The following STIM1 variants were observed in gnomAD, a reference collection of about 807,000 sequenced individuals.
STIM1 encodes the protein stromal interaction molecule 1.
Under a neutral mutation model 74.7 loss-of-function variants are expected in STIM1, and 25 were observed. That is an observed-to-expected ratio of 0.33 (90% confidence interval 0.24 to 0.47). STIM1 has a LOEUF of 0.47. Ranked by LOEUF, STIM1 falls within the 20% of genes least tolerant of loss-of-function variation. The probability of loss-of-function intolerance (pLI) is 1.00; values close to 1 mark genes in which losing one functional copy is unlikely to be tolerated. For synonymous variants in STIM1, 328 were observed against 348.8 expected (o/e 0.94, Z 0.66); for missense variants, 728 against 920.8 (o/e 0.79, Z 2.71).
At chr11:4,068,030 C>G (rs903890877) in intron 5 of STIM1, among the ~76,000 whole-genome samples, 1 of 152,150 alleles carries the variant, frequency 6.6e-6, no homozygotes, top group African/African-American at 2.4e-5. Context: ...ATACATTTGA[C>G]AAGGCAGAGG....
At chr11:4,028,086 T>C (rs2136037004) in intron 3 of STIM1, among the ~76,000 whole-genome samples, 1 of 152,276 alleles carries the variant, frequency 6.6e-6, no homozygotes, top group African/African-American at 2.4e-5. Context: ...CCAAACAAAG[T>C]ATATTTCTTC....
intron 1 of STIM1, among the ~76,000 whole-genome samples, chr11:3,939,906 G>A (rs2092983934): frequency 6.6e-6 from 1 of 152,150 alleles, no homozygotes. Context: ...CTGAAGCTGT[G>A]TGCACTCGTT....
intron 7 of STIM1, among the ~76,000 whole-genome samples, chr11:4,078,342 C>G (rs770263097): frequency 6.6e-6 from 1 of 152,190 alleles, no homozygotes; most frequent in Non-Finnish European, 1.5e-5. Context: ...CCCTGAAAGA[C>G]TGTGAGAGAT....
At chr11:4,062,749 C>G (rs2094339775) in intron 5 of STIM1, among the ~76,000 whole-genome samples, 1 of 152,098 alleles carries the variant, frequency 6.6e-6, no homozygotes, top group African/African-American at 2.4e-5. Flanking sequence ...CAAATCAAAA[C>G]TACAATGAGG....
chr11:4,090,053 T>A (rs1357664429), intron 12 of STIM1, among the ~76,000 whole-genome samples: 1 of 152,160 alleles, frequency 6.6e-6, no homozygotes, highest in East Asian at 1.9e-4. Context: ...GACTAGCCTG[T>A]GTGTGTGCAT....
chr11:3,915,014 A>C (rs2092622443), intron 1 of STIM1, among the ~76,000 whole-genome samples: 1 of 151,966 alleles, frequency 6.6e-6, no homozygotes, highest in African/African-American at 2.4e-5. Context: ...CTAGTGACTA[A>C]TGATGTTGAT....
chr11:3,873,698 A>C (rs543914116), intron 1 of STIM1, among the ~76,000 whole-genome samples: 1 of 152,256 alleles, frequency 6.6e-6, no homozygotes, highest in African/African-American at 2.4e-5. Context: ...CTGTTAGCTC[A>C]GTTTACCTAC....
chr11:4,084,723 A>C lies in STIM1; in HGVS notation c.1525A>C (p.Thr509Pro), dbSNP rs553648008. The C allele has an allele frequency of 1.7e-3, 2,238 of 1,289,314 alleles. 5 individuals are homozygous for C. Among genetic ancestry groups the C allele is most frequent in the Middle Eastern group, 3.0e-3 (14 of 4,688 alleles). 79.9% of individuals were successfully genotyped at this position (1,289,314 alleles called of 1,614,324 possible). A position where few individuals can be genotyped will look rare whatever the true frequency, so the allele number is the denominator to read the frequency against. Residue 509 changes from threonine (T) to proline (P), a missense_variant, in exon 11 of 13, where the codon ACA becomes CCA. Around this residue, in one of 5 missense-constraint regions of STIM1, gnomAD observed 352 missense variants for 370.1 expected, o/e 0.95. Coordinates refer to ENST00000526596, the MANE Select transcript of STIM1 (RefSeq NM_001382567.1). ...GTTCAGTGACCGCTCTCTCTGCTCT[A>C]CATCCGCCGGCTCGGATGATCAGTC... ...RRFSDRSLCS[T>P]SAGSDDQSLW...
chr11:4,013,996 C>T (rs140371315), intron 2 of STIM1, among the ~76,000 whole-genome samples: 1 of 151,782 alleles, frequency 6.6e-6, no homozygotes, highest in Non-Finnish European at 1.5e-5. Context: ...CATCAGCCAC[C>T]ACGCCTGGCT....
At position 3,876,758 on chromosome 11, in the gene STIM1, T is replaced by C. The variant is rs147203838; in HGVS notation, c.139+20349T>C. ...TTGAAGATAAAGAAATACTGATATC[T>C]ACCTACTAAATACATGATGTGGTAA... is the stretch of plus-strand genomic sequence containing the variant. On this transcript the variant is annotated intron_variant, in intron 1 of 12. Transcript: ENST00000526596. Among the ~76,000 whole-genome samples, 275 of 152,274 alleles carry C rather than the reference T, an allele frequency of 1.8e-3. 5 individuals carry two copies. In the East Asian group the frequency reaches 0.045, roughly 25 times the overall value.
rs1554966186 is a variant in STIM1 at position 4,022,355 on chromosome 11, A to AG, written c.271-1518_271-1517insG. Among the ~76,000 whole-genome samples, 45 of 149,172 alleles carry AG rather than the reference A, an allele frequency of 3.0e-4. 1 individual carries two copies. Among genetic ancestry groups the AG allele is most frequent in the African/African-American group, 1.1e-3 (43 of 40,950 alleles). ...TGTCTCAAAAAAAAAAAAAAAAAAA[A>AG]AGAGAGAAGATCATGTTGTCTGCAT... is the stretch of plus-strand genomic sequence containing the variant. On this transcript the variant is annotated intron_variant, in intron 2 of 12. Coordinates refer to ENST00000526596, the MANE Select transcript of STIM1 (RefSeq NM_001382567.1).
chr11:3,908,611 CA>C (rs147380381), intron 1 of STIM1, among the ~76,000 whole-genome samples: 5 of 140,898 alleles, frequency 3.5e-5, no homozygotes, highest in East Asian at 2.0e-4. Flanking sequence ...GACTCCATCT[CA>C]AAAAAAAAAA....
Position 4,091,441 on chromosome 11 carries a change from T to C in STIM1, c.1794T>C (p.Ser598=). 1 of 1,614,194 alleles carries C rather than the reference T, an allele frequency of 6.2e-7. No homozygotes were observed. The highest frequency in any genetic ancestry group is 1.1e-5 in the South Asian group (1 of 91,086). Residue 598 remains serine, a synonymous_variant, in exon 13 of 13, where the codon TCT becomes TCC. Transcript: ENST00000526596. ...TGATCGAGGGGGTCCACCCAGGGTC[T>C]CTGGTGGAGAAACTGCCTGACAGCC... ...HRLIEGVHPG[S]LVEKLPDSPA...
In STIM1 at chr11:4,030,141, C is replaced by G. The variant is rs565535125; in HGVS notation, c.385+6154C>G. On this transcript the variant is annotated intron_variant, in intron 3 of 12. Transcript: ENST00000526596. The stretch of plus-strand genomic sequence containing the variant: ...GTCAGGAGTTCAAGACCTGCCTGGC[C>G]AACATGGTGAAACCCTGTCTCTATT... Among the ~76,000 whole-genome samples the G allele has an allele frequency of 5.9e-5, 9 of 152,118 alleles. No individual in the cohort carries two copies. In the South Asian group the frequency reaches 1.9e-3, roughly 32 times the overall value.
In STIM1 at chr11:4,005,636, G is replaced by A. The variant is rs187628686; in HGVS notation, c.271-18237G>A. Among the ~76,000 whole-genome samples the A allele has an allele frequency of 2.2e-3, 327 of 151,814 alleles. 2 individuals are homozygous for A. The highest frequency in any genetic ancestry group is 2.1e-3 in the South Asian group (10 of 4,806). On this transcript the variant is annotated intron_variant, in intron 2 of 12. Coordinates refer to ENST00000526596, the MANE Select transcript of STIM1 (RefSeq NM_001382567.1). The stretch of plus-strand genomic sequence containing the variant: ...GGAGATATACCTAATGCTAAATGAC[G>A]AGTTAATGGGTGCAGCACACCAGCA...
At chr11:3,971,853 A>G (rs1299928164) in intron 2 of STIM1, among the ~76,000 whole-genome samples, 2 of 152,130 alleles carry the variant, frequency 1.3e-5, no homozygotes, top group East Asian at 3.9e-4. Flanking sequence ...GAAACAGATA[A>G]CTCCCTAAAT....
intron 1 of STIM1, among the ~76,000 whole-genome samples, chr11:3,861,922 C>G (rs1172375608): frequency 6.6e-6 from 1 of 152,012 alleles, no homozygotes; most frequent in Non-Finnish European, 1.5e-5. Context: ...CTCTGGTTTC[C>G]TGCTGGGTAA....
In STIM1 at chr11:4,074,494, C is replaced by A. The variant is rs201395930; in HGVS notation, c.792-8C>A. 1 of 1,613,218 alleles carries A rather than the reference C, an allele frequency of 6.2e-7. No individual in the cohort carries two copies. On this transcript the variant is annotated splice_polypyrimidine_tract_variant and splice_region_variant and intron_variant, in intron 6 of 12. Transcript: ENST00000526596. ...GGCCTCCTCCAGCTCCCTGCATTGC[C>A]CCCCCAGGCTGCACAAGGCCCAGGA...
intron 2 of STIM1, among the ~76,000 whole-genome samples, chr11:3,995,858 C>A (rs1256618176): frequency 6.7e-6 from 1 of 148,674 alleles, no homozygotes; most frequent in African/African-American, 2.5e-5. Context: ...GCAGGATGTG[C>A]AGGTGGCCTG....
Sources: gnomAD v4.1 joint callset for allele counts (sites outside exome capture counted in the v4.1 genomes callset) on GRCh38, gnomAD v4.1.1 for gene constraint, gnomAD v4.1.1 regional missense constraint, MANE v1.5 for transcripts, NCBI Gene and HGNC (gene_info 2026-07-23, HGNC 2026-07-21) for gene names.